The following DPP10 variants were observed in gnomAD, a reference collection of about 807,000 sequenced individuals.
DPP10 encodes inactive dipeptidyl peptidase 10.
DPP10 carries 33 observed loss-of-function variants against 120.9 expected under a neutral mutation model. The ratio of observed to expected loss-of-function variants is 0.27; its 90% CI spans 0.21 to 0.37. DPP10 has a LOEUF of 0.37. DPP10 is among the 10% of genes least tolerant of loss of function. The pLI, the probability that DPP10 is intolerant of heterozygous loss-of-function variation, is 1.00. For missense variants in DPP10, 816 were observed against 942.8 expected (o/e 0.87, Z 1.76); for synonymous variants, 337 against 326.1 (o/e 1.03, Z -0.36).
At chr2:114,960,099 A>C (rs1698498923) in intron 1 of DPP10, among the ~76,000 whole-genome samples, 1 of 152,164 alleles carries the variant, frequency 6.6e-6, no homozygotes, top group Non-Finnish European at 1.5e-5. Context: ...CCAGTCAGAT[A>C]ATATAACTTA....
intron 2 of DPP10, among the ~76,000 whole-genome samples, chr2:115,315,914 T>C (rs1383564644): frequency 6.6e-6 from 1 of 152,186 alleles, no homozygotes; most frequent in African/African-American, 2.4e-5. Flanking sequence ...TCCTCTGGCA[T>C]TAACGGAATA....
At chr2:114,583,119 G>A (rs1690674846) in intron 1 of DPP10, among the ~76,000 whole-genome samples, 1 of 152,106 alleles carries the variant, frequency 6.6e-6, no homozygotes, top group East Asian at 1.9e-4. Flanking sequence ...CTCTATATTA[G>A]CCTGTTTTAA....
At chr2:114,984,122 T>C (rs1469246088) in intron 1 of DPP10, among the ~76,000 whole-genome samples, 1 of 152,250 alleles carries the variant, frequency 6.6e-6, no homozygotes, top group Non-Finnish European at 1.5e-5. Context: ...TCTGGCCCTG[T>C]ACTTATTTCT....
At chr2:115,773,564 AC>A (rs1454890659) in intron 13 of DPP10, among the ~76,000 whole-genome samples, 1 of 152,136 alleles carries the variant, frequency 6.6e-6, no homozygotes, top group Non-Finnish European at 1.5e-5. Flanking sequence ...AAAGTCTACT[AC>A]AGTTTTATAT....
chr2:114,615,269 T>G (rs1311123906), intron 1 of DPP10, among the ~76,000 whole-genome samples: 1 of 152,188 alleles, frequency 6.6e-6, no homozygotes, highest in Non-Finnish European at 1.5e-5. Flanking sequence ...ACTTTCTAAA[T>G]TACTGAAAAT....
At chr2:114,572,466 T>A (rs1300891294) in intron 1 of DPP10, among the ~76,000 whole-genome samples, 2 of 152,090 alleles carry the variant, frequency 1.3e-5, no homozygotes, top group Non-Finnish European at 2.9e-5. Context: ...AATCTCAGAG[T>A]TGGTAGTGGC....
chr2:115,313,265 A>T (rs957218996), intron 2 of DPP10, among the ~76,000 whole-genome samples: 2 of 152,178 alleles, frequency 1.3e-5, no homozygotes, highest in African/African-American at 4.8e-5. Context: ...TATAGCTTTT[A>T]TAATTATACA....
At chr2:115,728,278 C>T (rs1234475112) in intron 8 of DPP10, among the ~76,000 whole-genome samples, 1 of 98,266 alleles carries the variant, frequency 1.0e-5, no homozygotes, top group Non-Finnish European at 2.0e-5. Flanking sequence ...GAAACAGAAA[C>T]CTTTATTTCT....
At chr2:115,246,240 A>AT (rs1447487797) in intron 1 of DPP10, among the ~76,000 whole-genome samples, 5 of 152,086 alleles carry the variant, frequency 3.3e-5, no homozygotes, top group African/African-American at 1.2e-4. Context: ...TCAAACCTTC[A>AT]CTACGTTACA....
chr2:114,742,819 T>C (rs1678195519), intron 1 of DPP10, among the ~76,000 whole-genome samples: 2 of 152,212 alleles, frequency 1.3e-5, no homozygotes, highest in African/African-American at 4.8e-5. Flanking sequence ...TTCAGGCAAA[T>C]GCAACTTTAA....
chr2:114,492,660 A>G (rs1403345405), intron 1 of DPP10, among the ~76,000 whole-genome samples: 1 of 152,192 alleles, frequency 6.6e-6, no homozygotes, highest in East Asian at 1.9e-4. Context: ...GTTGTCTTAA[A>G]TAGAAGTTAA....
At chr2:114,443,694 T>A (rs1020653969) in intron 1 of DPP10, among the ~76,000 whole-genome samples, 1 of 119,158 alleles carries the variant, frequency 8.4e-6, no homozygotes, top group Non-Finnish European at 1.8e-5. Context: ...CTGAAACTCT[T>A]TTATGAAAAA....
intron 1 of DPP10, among the ~76,000 whole-genome samples, chr2:114,763,534 ATGTACAAAGTAAATCTTTGCATTT>A (rs1251156848): frequency 6.6e-6 from 1 of 152,158 alleles, no homozygotes; most frequent in African/African-American, 2.4e-5. Context: ...ATGTTTCTGG[ATGTACAAAGTAAATCTTTGCATTT>A]TACAAAGATT....
intron 3 of DPP10, among the ~76,000 whole-genome samples, chr2:115,377,741 G>A (rs1487684128): frequency 6.6e-6 from 1 of 151,928 alleles, no homozygotes; most frequent in South Asian, 2.1e-4. Flanking sequence ...AAGGTGTAAG[G>A]AAGGGATCCA....
At chr2:115,294,966 T>A (rs1269731909) in intron 1 of DPP10, among the ~76,000 whole-genome samples, 1 of 152,026 alleles carries the variant, frequency 6.6e-6, no homozygotes, top group Admixed American at 6.6e-5. Flanking sequence ...TCTGGGAGAA[T>A]GAAAATATTT....
At chr2:114,945,882 C>T (rs1373221552) in intron 1 of DPP10, among the ~76,000 whole-genome samples, 1 of 152,114 alleles carries the variant, frequency 6.6e-6, no homozygotes, top group African/African-American at 2.4e-5. Flanking sequence ...TAAACATTAA[C>T]TTAGCCAGGT....
At chr2:115,831,235 C>CTTCTTTCTTTCT (rs55773986) in intron 21 of DPP10, among the ~76,000 whole-genome samples, 33 of 151,344 alleles carry the variant, frequency 2.2e-4, no homozygotes, top group Non-Finnish European at 2.9e-4. Context: ...GCACAGATCA[C>CTTCTTTCTTTCT]TTCTTTCTTT....
At chr2:114,730,815 C>T (rs1574060309) in intron 1 of DPP10, among the ~76,000 whole-genome samples, 1 of 152,066 alleles carries the variant, frequency 6.6e-6, no homozygotes, top group Non-Finnish European at 1.5e-5. Flanking sequence ...GTCTTGAGCT[C>T]CTGATCTCAG....
chr2:114,455,366 G>A (rs781141486), intron 1 of DPP10, among the ~76,000 whole-genome samples: 14 of 152,078 alleles, frequency 9.2e-5, no homozygotes, highest in Non-Finnish European at 1.8e-4. Context: ...CCAACATAGT[G>A]AAACCCTGTC....
Sources: gnomAD v4.1 joint callset for allele counts (sites outside exome capture counted in the v4.1 genomes callset) on GRCh38, gnomAD v4.1.1 for gene constraint, MANE v1.5 for transcripts, NCBI Gene and HGNC (gene_info 2026-07-23, HGNC 2026-07-21) for gene names.